Variants in ZNF568 observed in about 807,000 individuals in gnomAD.
The protein encoded by ZNF568 is zinc finger protein 568, also known as p53 inhibitor of SCO2 activation.
A neutral mutation model predicts 18.1 loss-of-function variants in ZNF568; 11 were observed. That is an observed-to-expected ratio of 0.61 (90% CI 0.38 to 1.00). The LOEUF (loss-of-function observed/expected upper bound fraction) is 1.00, where lower values mean the gene tolerates loss of function less well. Among genes scored for constraint, ZNF568 ranks in the 50% least tolerant of loss-of-function variants. ZNF568 has a pLI of 0.01. For synonymous variants in ZNF568, 213 were observed against 246.6 expected (o/e 0.86, Z 1.28); for missense variants, 639 against 768.2 (o/e 0.83, Z 1.99).
chr19:36,919,696 G>T (rs2073418376), intron 2 of ZNF568, among the ~76,000 whole-genome samples: 2 of 152,056 alleles, frequency 1.3e-5, no homozygotes, highest in Non-Finnish European at 2.9e-5. Flanking sequence ...ACCAGTACCG[G>T]TACGTGGCCC....
At chr19:36,992,720 A>G (rs893510525) in intron 4 of ZNF568, among the ~76,000 whole-genome samples, 3 of 152,194 alleles carry the variant, frequency 2.0e-5, no homozygotes, top group Non-Finnish European at 4.4e-5. Context: ...AGTAATTTTT[A>G]GTCAGTTCAC....
Position 36,951,327 on chromosome 19 carries a change from G to T in ZNF568, c.*239G>T. On this transcript the variant is annotated 3_prime_UTR_variant, in exon 7 of 7. Transcript: ENST00000333987. ...ACAAAATCAACTAAGAATTTTCTAG[G>T]ATCTTTCAAAAATGATTATAAAATT... The T allele has an allele frequency of 3.0e-6, 1 of 336,708 alleles. No homozygotes were observed. Among genetic ancestry groups the T allele is most frequent in the Non-Finnish European group, 5.3e-6 (1 of 189,604 alleles). The allele number at this position is 336,708 out of a possible 1,614,324, so 20.9% of individuals were successfully genotyped here. A position where few individuals can be genotyped will look rare whatever the true frequency, so the allele number is the denominator to read the frequency against.
At chr19:36,959,606 G>T (rs1238079906) in intron 6 of ZNF568, among the ~76,000 whole-genome samples, 1 of 152,026 alleles carries the variant, frequency 6.6e-6, no homozygotes, top group Non-Finnish European at 1.5e-5. Flanking sequence ...TCTTTGTATG[G>T]TATAATTTGG....
intron 2 of ZNF568, 136 bp from the exon 3 acceptor site, chr19:36,922,447 AGGT>A (rs1405075737): frequency 4.2e-4 from 96 of 226,564 alleles, no homozygotes; most frequent in Middle Eastern, 2.9e-3. Flanking sequence ...TGCAGGTCAA[AGGT>A]ACTCATGGTG....
intron 6 of ZNF568, among the ~76,000 whole-genome samples, chr19:36,967,296 G>A (rs2074201536): frequency 6.6e-6 from 1 of 152,148 alleles, no homozygotes; most frequent in South Asian, 2.1e-4. Flanking sequence ...AGGCACAGTG[G>A]CTCATGCCTG....
exon 5 of ZNF568, chr19:36,997,041 C>A: frequency 6.4e-7 from 1 of 1,563,824 alleles, no homozygotes; most frequent in Non-Finnish European, 8.6e-7. Flanking sequence ...GTGAGAAACC[C>A]CATAAATGTA....
chr19:36,997,512 A>G, downstream of ZNF568: 3 of 1,587,922 alleles, frequency 1.9e-6, no homozygotes, highest in Non-Finnish European at 2.6e-6. Flanking sequence ...CAGAACTCAC[A>G]CATCATGAGA....
At chr19:36,972,402 T>C (rs2074243341) in intron 6 of ZNF568, among the ~76,000 whole-genome samples, 1 of 152,126 alleles carries the variant, frequency 6.6e-6, no homozygotes, top group Non-Finnish European at 1.5e-5. Context: ...CAGACCCAAC[T>C]ATCCCTCATC....
At chr19:36,930,868 C>T (rs916363202) in intron 4 of ZNF568, among the ~76,000 whole-genome samples, 1 of 152,124 alleles carries the variant, frequency 6.6e-6, no homozygotes, top group Admixed American at 6.5e-5. Context: ...CATTGGATAC[C>T]ACAGCCTATT....
At chr19:36,926,628 G>T (rs8109596) in intron 4 of ZNF568, among the ~76,000 whole-genome samples, 1 of 152,116 alleles carries the variant, frequency 6.6e-6, no homozygotes, top group Non-Finnish European at 1.5e-5. Context: ...GATAGGCATT[G>T]TTATTTTTTT....
At chr19:36,917,048 T>C (rs1402433070) in intron 1 of ZNF568, among the ~76,000 whole-genome samples, 1 of 152,186 alleles carries the variant, frequency 6.6e-6, no homozygotes, top group Non-Finnish European at 1.5e-5. Context: ...TAGTTAGCTA[T>C]TGCCATGATA....
Position 36,937,236 on chromosome 19 carries a change from T to G in ZNF568, c.352T>G (p.Cys118Gly), listed in dbSNP as rs764682533. Residue 118 changes from cysteine (C) to glycine (G), a missense_variant, in exon 6 of 7, where the codon TGT (cysteine) becomes GGT (glycine). Physicochemically the swap from Cys to Gly is radical, Grantham distance 159. Coordinates refer to ENST00000333987, the MANE Select transcript of ZNF568 (RefSeq NM_198539.4). Reference protein sequence around the residue: ...VMEEEMFGRHCPEVWEVDEQI... With the variant: ...VMEEEMFGRHGPEVWEVDEQI... ...GGAGGAAGAAATGTTTGGGAGGCAC[T>G]GTCCAGGTGAATAAGTGAAAAGCAG... 8 of 1,613,444 alleles carry G rather than the reference T, an allele frequency of 5.0e-6. No individual in the cohort carries two copies. The highest frequency in any genetic ancestry group is 6.8e-6 in the Non-Finnish European group (8 of 1,179,574).
chr19:36,926,525 A>C lies in ZNF568; in HGVS notation c.135+1267A>C, dbSNP rs1053011331. Among the ~76,000 whole-genome samples, 15 of 152,316 alleles carry C rather than the reference A, an allele frequency of 9.8e-5. No homozygotes were observed. The East Asian group carries it at 2.9e-3, about 29-fold the overall frequency. ...CTTAATCTTTTTGTGACTCAGTTAC[A>C]TCATCTGTAAGTCTATAAATGGGGA... On this transcript the variant is annotated intron_variant, in intron 4 of 6. Transcript: ENST00000333987.
At chr19:36,919,226 T>C (rs888397457) in intron 2 of ZNF568, among the ~76,000 whole-genome samples, 2 of 152,198 alleles carry the variant, frequency 1.3e-5, no homozygotes, top group African/African-American at 4.8e-5. Context: ...TTTGAGCACC[T>C]ACTATGAATA....
intron 2 of ZNF568, among the ~76,000 whole-genome samples, chr19:36,989,392 A>ATCTT (rs2074404333): frequency 6.6e-6 from 1 of 151,998 alleles, no homozygotes; most frequent in South Asian, 2.1e-4. Flanking sequence ...CATCTTGACC[A>ATCTT]GGCTGGTCTC....
intron 6 of ZNF568, among the ~76,000 whole-genome samples, chr19:36,962,560 C>G (rs1428971106): frequency 6.6e-6 from 1 of 151,942 alleles, no homozygotes; most frequent in African/African-American, 2.4e-5. Flanking sequence ...AGGCTATTCT[C>G]AAACTCCTGA....
intron 7 of ZNF568, among the ~76,000 whole-genome samples, chr19:36,975,409 T>C (rs1012408153): frequency 6.7e-6 from 1 of 149,398 alleles, no homozygotes; most frequent in African/African-American, 2.5e-5. Flanking sequence ...GGCCTCCCAA[T>C]GGAGCCTTGC....
intron 6 of ZNF568, among the ~76,000 whole-genome samples, chr19:36,965,080 C>T (rs520288): frequency 0.58 from 87,704 of 152,020 alleles, 26,447 homozygotes; most frequent in African/African-American, 0.74. Context: ...AATGTTATCC[C>T]ACTTTCTTGG....
intron 4 of ZNF568, chr19:36,931,740 A>G (rs2073690091): frequency 6.6e-6 from 1 of 152,158 alleles, no homozygotes; most frequent in Non-Finnish European, 1.5e-5. Flanking sequence ...ATTAACATAT[A>G]AGTCACATAC....
Sources: allele counts gnomAD v4.1 joint callset (sites outside exome capture counted in the v4.1 genomes callset), GRCh38; gene constraint gnomAD v4.1.1; transcripts MANE v1.5; gene names NCBI Gene and HGNC (gene_info 2026-07-23, HGNC 2026-07-21).